The following SGF29 variants were observed in gnomAD, a reference collection of about 807,000 sequenced individuals.
The protein encoded by SGF29 is SAGA-associated factor 29.
SGF29 carries 15 observed loss-of-function variants against 38.1 expected under a neutral mutation model. The ratio of observed to expected loss-of-function variants is 0.39; its 90% confidence interval spans 0.26 to 0.61. The LOEUF (loss-of-function observed/expected upper bound fraction) is 0.61. Ranked by LOEUF, SGF29 falls within the 20% of genes least tolerant of loss-of-function variation. SGF29 has a pLI of 0.49. For missense variants in SGF29, 184 were observed against 394.6 expected, an observed-to-expected ratio of 0.47 and a Z score of 4.52; for synonymous variants, 151 against 160.8, an observed-to-expected ratio of 0.94 and a Z score of 0.46.
intron 1 of SGF29, among the ~76,000 whole-genome samples, chr16:28,564,806 C>T (rs868339761): frequency 7.3e-6 from 1 of 137,406 alleles, no homozygotes; most frequent in Non-Finnish European, 1.6e-5. Flanking sequence ...CACACACACA[C>T]AAACACACAC....
chr16:28,584,823 AT>A, intron 2 of SGF29, 89 bp from the exon 3 acceptor site: 1 of 727,818 alleles, frequency 1.4e-6, no homozygotes, highest in Non-Finnish European at 2.3e-6. Context: ...TGAGGGCCGT[AT>A]TTTGGGGATG....
At chr16:28,567,091 T>C (rs547975433) in intron 1 of SGF29, among the ~76,000 whole-genome samples, 4 of 152,358 alleles carry the variant, frequency 2.6e-5, no homozygotes, top group African/African-American at 7.2e-5. Context: ...ATTATTTTTT[T>C]AAGGCTTTAA....
chr16:28,562,007 G>GGAAGAGCTT (rs2046793445), intron 1 of SGF29, among the ~76,000 whole-genome samples: 1 of 152,188 alleles, frequency 6.6e-6, no homozygotes, highest in Non-Finnish European at 1.5e-5. Context: ...TAAAATCATA[G>GGAAGAGCTT]GAAGAGCTTG....
chr16:28,589,082 C>T lies in SGF29; in HGVS notation c.225-18C>T, dbSNP rs1345146828. On this transcript the variant is annotated intron_variant, in intron 4 of 9. Transcript: ENST00000317058. ...GTACGTTAACCAAACCCTCTTTCTC[C>T]CTTCTCCCCGCCCTCAGCATCCTTC... 1 of 1,614,012 alleles carries T rather than the reference C, an allele frequency of 6.2e-7. No homozygotes were observed. Among genetic ancestry groups the T allele is most frequent in the Admixed American group, 1.7e-5 (1 of 60,018 alleles).
Position 28,590,356 on chromosome 16 carries a change from C to T in SGF29, c.480C>T (p.Asp160=), listed in dbSNP as rs760439514. The T allele has an allele frequency of 1.3e-5, 21 of 1,613,592 alleles. No homozygotes were observed. In the East Asian group the frequency reaches 3.3e-4, roughly 26 times the overall value. ...ASGDYVARPG[D]KVAARVKAVD... is the part of the protein sequence containing the mutation. ...GAGACTACGTGGCCAGACCTGGAGA[C>T]AAGGTGGCTGCCCGGGTGAAGGCCG... The change falls in exon 7 of 10, where the codon GAC becomes GAT. Residue 160 remains aspartate (D), a synonymous_variant. Coordinates refer to ENST00000317058, the MANE Select transcript of SGF29 (RefSeq NM_138414.3). The surrounding 1 kb of genome is among the most constrained non-coding windows in gnomAD (Gnocchi z 8.2).
chr16:28,577,014 G>C (rs193632), intron 1 of SGF29, among the ~76,000 whole-genome samples: 1 of 151,912 alleles, frequency 6.6e-6, no homozygotes, highest in East Asian at 2.0e-4. Context: ...TCTCTACTAA[G>C]AATACAGAAA....
At chr16:28,562,906 A>AC (rs1342345932) in intron 1 of SGF29, among the ~76,000 whole-genome samples, 1 of 148,652 alleles carries the variant, frequency 6.7e-6, no homozygotes, top group Admixed American at 6.7e-5. Context: ...CCTGTCTCAA[A>AC]AAAAAAAAAA....
rs1173412957 is a variant in SGF29 at position 28,564,654 on chromosome 16, CGTAT to C, written c.-16+10558_-16+10561del. On this transcript the variant is annotated intron_variant, in intron 1 of 9. Coordinates refer to ENST00000317058, the MANE Select transcript of SGF29 (RefSeq NM_138414.3). ...ATATACGTATATATGTGTATATATA[CGTAT>C]ATATATGCATATATATGTATATATA... Among the ~76,000 whole-genome samples, 24 of 57,756 alleles carry C rather than the reference CGTAT, an allele frequency of 4.2e-4. 1 individual carries two copies. The highest frequency in any genetic ancestry group is 5.9e-4 in the Non-Finnish European group (15 of 25,592). The allele number at this position is 57,756 out of a possible 152,430, so 37.9% of individuals were successfully genotyped here.
intron 1 of SGF29, among the ~76,000 whole-genome samples, chr16:28,557,662 C>A (rs1161874940): frequency 6.6e-6 from 1 of 152,022 alleles, no homozygotes; most frequent in Non-Finnish European, 1.5e-5. Context: ...GGGACTGAGC[C>A]CTCAACCTGT....
chr16:28,571,715 C>T (rs903681085), intron 1 of SGF29, among the ~76,000 whole-genome samples: 2 of 151,934 alleles, frequency 1.3e-5, no homozygotes, highest in Non-Finnish European at 2.9e-5. Flanking sequence ...GGAAAGCCTA[C>T]GCTTTCAAAA....
Position 28,590,529 on chromosome 16 carries a change from G to C in SGF29, c.566+87G>C, listed in dbSNP as rs1386002977. 6.2e-7 allele frequency: 1 copy of C among 1,612,624 alleles called. No homozygotes were observed. The highest frequency in any genetic ancestry group is 8.5e-7 in the Non-Finnish European group (1 of 1,179,422). Reference sequence around the variant, plus strand: ...AAAGCTCTGCAGAGGGTGCTCCCCAGAGGCTGGTTGTGCAGGGAGCACCAG... The same window carrying C: ...AAAGCTCTGCAGAGGGTGCTCCCCACAGGCTGGTTGTGCAGGGAGCACCAG... On this transcript the variant is annotated intron_variant, in intron 7 of 9. Coordinates refer to ENST00000317058, the MANE Select transcript of SGF29 (RefSeq NM_138414.3). This position sits in a 1 kb window ranked among gnomAD's most constrained non-coding sequence, Gnocchi z 8.2.
chr16:28,591,128 T>G (rs2291937), intron 9 of SGF29, among the ~76,000 whole-genome samples, 193 bp downstream of exon 9: 5,724 of 152,158 alleles, frequency 0.038, 231 homozygotes, highest in East Asian at 0.21. Context: ...CTGGCAGCCT[T>G]GGCAAGCCCC....
intron 1 of SGF29, among the ~76,000 whole-genome samples, chr16:28,554,596 C>T (rs538764043): frequency 6.6e-6 from 1 of 152,328 alleles, no homozygotes; most frequent in Non-Finnish European, 1.5e-5. Flanking sequence ...AGGCGTGAGC[C>T]CCCGCGCCCG....
At chr16:28,569,673 ATG>A (rs1170236723) in intron 1 of SGF29, among the ~76,000 whole-genome samples, 1 of 152,132 alleles carries the variant, frequency 6.6e-6, no homozygotes, top group Non-Finnish European at 1.5e-5. Context: ...AAAAGAATAA[ATG>A]TATTTGGAGA....
chr16:28,559,974 C>T (rs754348183), intron 1 of SGF29, among the ~76,000 whole-genome samples: 2 of 152,082 alleles, frequency 1.3e-5, no homozygotes, highest in African/African-American at 2.4e-5. Flanking sequence ...GTGTCTTATG[C>T]CTGTAAACCC....
At chr16:28,564,438 T>G (rs1331206878) in intron 1 of SGF29, among the ~76,000 whole-genome samples, 1 of 148,648 alleles carries the variant, frequency 6.7e-6, no homozygotes, top group African/African-American at 2.5e-5. Flanking sequence ...ACCAGAATGG[T>G]GGTTAGAGAC....
At chr16:28,562,747 TTTAAAAA>T (rs1384614759) in intron 1 of SGF29, among the ~76,000 whole-genome samples, 1 of 151,654 alleles carries the variant, frequency 6.6e-6, no homozygotes, top group Admixed American at 6.6e-5. Flanking sequence ...TACAAAAATA[TTTAAAAA>T]TTAGCTGGGT....
At chr16:28,570,564 A>G (rs959682061) in intron 1 of SGF29, among the ~76,000 whole-genome samples, 3 of 136,570 alleles carry the variant, frequency 2.2e-5, no homozygotes, top group African/African-American at 7.8e-5. Flanking sequence ...TTATTTATTT[A>G]TTTATTTATT....
In SGF29 at chr16:28,590,866, G is replaced by GCTC; in HGVS notation, c.697_699dup (p.Leu233dup). ...CTGAGGCCTTGTTCCAGAAGGAGCA[G>GCTC]CTCGTGCTGGCCCTGTATCCCCAGA... On this transcript the variant is annotated inframe_insertion, in exon 9 of 10. Transcript: ENST00000317058. The surrounding 1 kb of genome is among the most constrained non-coding windows in gnomAD (Gnocchi z 8.2). 6.2e-7 allele frequency: 1 copy of GCTC among 1,613,902 alleles called. No homozygotes were observed. Among genetic ancestry groups the GCTC allele is most frequent in the African/African-American group, 1.3e-5 (1 of 75,030 alleles).
Sources: allele counts gnomAD v4.1 joint callset (sites outside exome capture counted in the v4.1 genomes callset), GRCh38; gene constraint gnomAD v4.1.1; non-coding constraint Gnocchi (gnomAD v3.1); transcripts MANE v1.5; gene names NCBI Gene and HGNC (gene_info 2026-07-23, HGNC 2026-07-21).